Variants in ADGRL4 observed in about 807,000 individuals in gnomAD.
ADGRL4 encodes the protein adhesion G protein-coupled receptor L4.
Under a neutral mutation model 74.8 loss-of-function variants are expected in ADGRL4, and 90 were observed. The ratio of observed to expected loss-of-function variants is 1.20; its 90% CI spans 1.02 to 1.43. ADGRL4 has a LOEUF of 1.43. Ranked by LOEUF, ADGRL4 falls within the 40% of genes most tolerant of loss-of-function variation. The pLI is 0.00. For missense variants in ADGRL4, 881 were observed against 814.3 expected (o/e 1.08, Z -1.00); for synonymous variants, 311 against 279.2 (o/e 1.11, Z -1.14).
chr1:78,939,367 A>C (rs1649428167), intron 3 of ADGRL4, 109 bp from the exon 4 acceptor site: 1 of 1,085,034 alleles, frequency 9.2e-7, no homozygotes. Flanking sequence ...TTAAAAAGAC[A>C]TTCTCTAACA....
intron 2 of ADGRL4, among the ~76,000 whole-genome samples, chr1:78,990,896 A>G (rs1322636637): frequency 6.6e-6 from 1 of 151,992 alleles, no homozygotes; most frequent in Admixed American, 6.6e-5. Flanking sequence ...GAAATCTGGC[A>G]TAAGAACCTT....
intron 2 of ADGRL4, among the ~76,000 whole-genome samples, chr1:78,986,577 C>G (rs1465868182): frequency 6.6e-6 from 1 of 151,700 alleles, no homozygotes; most frequent in Non-Finnish European, 1.5e-5. Flanking sequence ...AGCCACTGCA[C>G]TTCAGCCTGG....
intron 11 of ADGRL4, 57 bp from the exon 12 acceptor site, chr1:78,917,757 G>A: frequency 6.3e-7 from 1 of 1,578,078 alleles, no homozygotes; most frequent in Non-Finnish European, 8.7e-7. Context: ...TGTTAACATA[G>A]CAAAATTATC....
intron 2 of ADGRL4, among the ~76,000 whole-genome samples, chr1:78,958,200 A>C (rs1343826528): frequency 6.6e-6 from 1 of 152,178 alleles, no homozygotes; most frequent in Non-Finnish European, 1.5e-5. Flanking sequence ...GTCCCAGAAA[A>C]TGAAGGTTGT....
chr1:79,004,695 A>C (rs1447079231), intron 2 of ADGRL4, among the ~76,000 whole-genome samples: 1 of 152,132 alleles, frequency 6.6e-6, no homozygotes, highest in Non-Finnish European at 1.5e-5. Flanking sequence ...ATAGGTATAA[A>C]AATACTTATA....
In ADGRL4 at chr1:78,890,967, C is replaced by A; in HGVS notation, c.*187G>T. 1 of 623,558 alleles carries A rather than the reference C, an allele frequency of 1.6e-6. No individual in the cohort carries two copies. 38.6% of individuals were successfully genotyped at this position (623,558 alleles called of 1,614,324 possible). A position where few individuals can be genotyped will look rare whatever the true frequency, so the allele number is the denominator to read the frequency against. On this transcript the variant is annotated 3_prime_UTR_variant, in exon 15 of 15. Transcript: ENST00000370742. ...TTTCACATAGAAAAACATAGTATAT[C>A]TATATGATACATAATTTTACCTTAT...
At chr1:78,969,240 A>G (rs190031656) in intron 2 of ADGRL4, among the ~76,000 whole-genome samples, 14 of 152,344 alleles carry the variant, frequency 9.2e-5, no homozygotes, top group Admixed American at 2.6e-4. Flanking sequence ...CAACAGTGCA[A>G]TAAGAATCCA....
chr1:79,004,688 G>C (rs554406776), intron 2 of ADGRL4, among the ~76,000 whole-genome samples: 1 of 151,948 alleles, frequency 6.6e-6, no homozygotes, highest in Non-Finnish European at 1.5e-5. Flanking sequence ...ATACCATATA[G>C]GTATAAAAAT....
At position 78,983,189 on chromosome 1, in the gene ADGRL4, C is replaced by T. The variant is rs150312918; in HGVS notation, c.172+21881G>A. Among the ~76,000 whole-genome samples, 572 of 151,836 alleles carry T rather than the reference C, an allele frequency of 3.8e-3. 5 individuals are homozygous for T. The highest frequency in any genetic ancestry group is 0.013 in the African/African-American group (547 of 41,462). ...GCACTGGCACCACAGGATTCCCACA[C>T]ATAAGGAGTGCCAAAATAAATTTTG... On this transcript the variant is annotated intron_variant, in intron 2 of 14. Coordinates refer to ENST00000370742, the MANE Select transcript of ADGRL4 (RefSeq NM_022159.4).
intron 2 of ADGRL4, among the ~76,000 whole-genome samples, chr1:78,969,390 C>T (rs190555055): frequency 1.6e-3 from 239 of 152,282 alleles, no homozygotes; most frequent in African/African-American, 5.7e-3. Flanking sequence ...CTTGCCTAGA[C>T]AGTCCCTGTA....
Position 79,006,729 on chromosome 1 carries a change from C to A in ADGRL4, c.-75G>T. 1 of 1,388,378 alleles carries A rather than the reference C, an allele frequency of 7.2e-7. No individual in the cohort carries two copies. Among genetic ancestry groups the A allele is most frequent in the Non-Finnish European group, 9.4e-7 (1 of 1,068,914 alleles). The allele number at this position is 1,388,378 out of a possible 1,614,324, so 86.0% of individuals were successfully genotyped here. A position where few individuals can be genotyped will look rare whatever the true frequency, so the allele number is the denominator to read the frequency against. On this transcript the variant is annotated 5_prime_UTR_variant, in exon 1 of 15. Transcript: ENST00000370742. ...GCGGCTGTGGACCCGGGACCGGGCG[C>A]CGCTGGGCGGGCGCGGCAGGGTCCC... is the stretch of plus-strand genomic sequence containing the variant.
chr1:78,910,880 T>C (rs944670781), intron 12 of ADGRL4, among the ~76,000 whole-genome samples: 1 of 151,792 alleles, frequency 6.6e-6, no homozygotes, highest in African/African-American at 2.4e-5. Flanking sequence ...ATTTCAGAAT[T>C]CTAAGAGATT....
chr1:78,998,882 G>C (rs1191533252), intron 2 of ADGRL4, among the ~76,000 whole-genome samples: 1 of 151,972 alleles, frequency 6.6e-6, no homozygotes, highest in African/African-American at 2.4e-5. Context: ...TATAAATTGG[G>C]GATAACACCA....
intron 2 of ADGRL4, among the ~76,000 whole-genome samples, chr1:78,960,389 C>T (rs1176869903): frequency 3.3e-5 from 5 of 151,840 alleles, no homozygotes; most frequent in African/African-American, 1.2e-4. Context: ...AACCATAGGC[C>T]TTTAGAACAT....
intron 2 of ADGRL4, among the ~76,000 whole-genome samples, chr1:78,975,095 T>G (rs1270120386): frequency 2.0e-5 from 3 of 152,120 alleles, no homozygotes; most frequent in Non-Finnish European, 4.4e-5. Context: ...CCTATTACAA[T>G]CATAGAGAGA....
At position 78,932,389 on chromosome 1, in the gene ADGRL4, AC is replaced by A. The variant is rs1201314980; in HGVS notation, c.877+3905del. On this transcript the variant is annotated intron_variant, in intron 7 of 14. Coordinates refer to ENST00000370742, the MANE Select transcript of ADGRL4 (RefSeq NM_022159.4). Reference sequence around the variant, plus strand: ...CTTTGAAACCAATGAGAACAAAGAGACAAGGTACCAGATCTCTGGGACACAG... The same window carrying A: ...CTTTGAAACCAATGAGAACAAAGAGAAAGGTACCAGATCTCTGGGACACAG... Among the ~76,000 whole-genome samples, 5 of 151,516 alleles carry A rather than the reference AC, an allele frequency of 3.3e-5. 1 individual carries two copies. Among genetic ancestry groups the A allele is most frequent in the African/African-American group, 1.2e-4 (5 of 40,794 alleles).
At chr1:78,975,570 C>A (rs1015421056) in intron 2 of ADGRL4, among the ~76,000 whole-genome samples, 2 of 151,886 alleles carry the variant, frequency 1.3e-5, no homozygotes, top group African/African-American at 4.8e-5. Context: ...GCCACTACTG[C>A]AATTTCTTAA....
At chr1:78,966,297 G>C (rs60340422) in intron 2 of ADGRL4, among the ~76,000 whole-genome samples, 2,186 of 152,250 alleles carry the variant, frequency 0.014, 53 homozygotes, top group African/African-American at 0.05. Context: ...TTTGCGGAAA[G>C]TCCCTGTTTT....
rs376795583 is a variant in ADGRL4, at chr1:78,917,885, C to T, written c.1627G>A (p.Val543Met). The T allele has an allele frequency of 5.7e-5, 92 of 1,612,516 alleles. No homozygotes were observed. Among genetic ancestry groups the T allele is most frequent in the Middle Eastern group, 1.6e-4 (1 of 6,070 alleles). Residue 543 changes from valine to methionine, a missense_variant, in exon 11 of 15, where the codon GTG becomes ATG. By Grantham distance (21) the Val-to-Met change is conservative. Coordinates refer to ENST00000370742, the MANE Select transcript of ADGRL4 (RefSeq NM_022159.4). ...AGTGCTGCCGAAAATCCAACTACCA[C>T]GGCTGGGCTTAGATAGCCAAAGATA... is the stretch of plus-strand genomic sequence containing the variant. ...FYIFGYLSPA[V>M]VVGFSAALGY... is the part of the protein sequence containing the mutation.
Sources: allele counts gnomAD v4.1 joint callset (sites outside exome capture counted in the v4.1 genomes callset), GRCh38; gene constraint gnomAD v4.1.1; transcripts MANE v1.5; gene names NCBI Gene and HGNC (gene_info 2026-07-23, HGNC 2026-07-21).